Variants in WWTR1 observed in about 807,000 individuals in gnomAD.
WWTR1 encodes the protein WW domain-containing transcription regulator protein 1.
A neutral mutation model predicts 40.1 loss-of-function variants in WWTR1; 13 were observed. That is an observed-to-expected ratio of 0.32 (90% CI 0.21 to 0.52). WWTR1 has a LOEUF of 0.52. WWTR1 is among the 20% of genes least tolerant of loss of function. The probability of loss-of-function intolerance (pLI) is 0.97; values close to 1 mark genes in which losing one functional copy is unlikely to be tolerated. For synonymous variants in WWTR1, 230 were observed against 210.1 expected (o/e 1.09, Z -0.82); for missense variants, 436 against 523.1 (o/e 0.83, Z 1.63).
At chr3:149,571,828 G>A (rs563886586) in intron 3 of WWTR1, among the ~76,000 whole-genome samples, 16 of 152,134 alleles carry the variant, frequency 1.1e-4, no homozygotes, top group Non-Finnish European at 1.8e-4. Flanking sequence ...ATCTGAAAAT[G>A]GCACCAACTT....
At chr3:149,532,778 C>T (rs567019576) in intron 4 of WWTR1, among the ~76,000 whole-genome samples, 1 of 152,334 alleles carries the variant, frequency 6.6e-6, no homozygotes, top group East Asian at 1.9e-4. Context: ...CACATGACAT[C>T]CACTACCCTT....
chr3:149,603,306 T>G (rs1739332305), intron 2 of WWTR1, among the ~76,000 whole-genome samples: 1 of 152,248 alleles, frequency 6.6e-6, no homozygotes, highest in African/African-American at 2.4e-5. Context: ...GAAATCAAGC[T>G]GGGCAGAGAC....
chr3:149,531,689 T>C (rs1735589199), intron 4 of WWTR1, among the ~76,000 whole-genome samples: 1 of 152,132 alleles, frequency 6.6e-6, no homozygotes, highest in Non-Finnish European at 1.5e-5. Flanking sequence ...CTCACCCCTG[T>C]CTAAAATGGC....
upstream of WWTR1, among the ~76,000 whole-genome samples, chr3:149,703,687 G>C (rs1233365255): frequency 6.6e-6 from 1 of 152,086 alleles, no homozygotes; most frequent in Middle Eastern, 3.2e-3. Flanking sequence ...CTTCATAAGA[G>C]GGTTGGTGCT....
At chr3:149,565,509 T>C (rs76105547) in intron 3 of WWTR1, among the ~76,000 whole-genome samples, 2,058 of 152,344 alleles carry the variant, frequency 0.014, 18 homozygotes, top group East Asian at 0.044. Flanking sequence ...ATTTTTTATA[T>C]GCTATTATGT....
At chr3:149,604,215 TA>T (rs1203524256) in intron 2 of WWTR1, among the ~76,000 whole-genome samples, 1 of 152,192 alleles carries the variant, frequency 6.6e-6, no homozygotes, top group Non-Finnish European at 1.5e-5. Flanking sequence ...AGAAGTTAAA[TA>T]ACTGGCTTAA....
chr3:149,690,205 A>G (rs1014763996), intron 1 of WWTR1, among the ~76,000 whole-genome samples: 3 of 152,276 alleles, frequency 2.0e-5, no homozygotes, highest in Admixed American at 6.5e-5. Context: ...GAAGACAGAA[A>G]AGAAGGAAGG....
rs1217598530 is a variant in WWTR1, at chr3:149,622,450, A to AAAGGAAGGAAGGAAGG, written c.431+34410_431+34425dup. Among the ~76,000 whole-genome samples, 106 of 98,602 alleles carry AAAGGAAGGAAGGAAGG rather than the reference A, an allele frequency of 1.1e-3. 1 individual carries two copies. Among genetic ancestry groups the AAAGGAAGGAAGGAAGG allele is most frequent in the Middle Eastern group, 4.5e-3 (1 of 220 alleles). The allele number at this position is 98,602 out of a possible 152,430, so 64.7% of individuals were successfully genotyped here. A position where few individuals can be genotyped will look rare whatever the true frequency, so the allele number is the denominator to read the frequency against. On this transcript the variant is annotated intron_variant, in intron 2 of 6. Coordinates refer to ENST00000360632, the MANE Select transcript of WWTR1 (RefSeq NM_015472.6). ...AAACCATATTTTCCCAGAAAGAAAG[A>AAAGGAAGGAAGGAAGG]AAGGAAGGAAGGAAGGAAGGAAGGA...
intron 3 of WWTR1, 62 bp downstream of exon 3, chr3:149,572,802 G>A: frequency 3.8e-6 from 6 of 1,570,694 alleles, no homozygotes; most frequent in Non-Finnish European, 5.2e-6. Flanking sequence ...GGCAACAAAG[G>A]GAGACCCCAA....
chr3:149,651,992 A>ATTTTTTTTTTTTTTTT (rs368845286), intron 2 of WWTR1, among the ~76,000 whole-genome samples: 111 of 93,692 alleles, frequency 1.2e-3, no homozygotes, highest in Middle Eastern at 7.0e-3. Flanking sequence ...CGCCCGGCTA[A>ATTTTTTTTTTTTTTTT]TTTTTTTTTT....
chr3:149,543,842 G>A (rs1736249782), intron 3 of WWTR1, among the ~76,000 whole-genome samples: 1 of 150,280 alleles, frequency 6.7e-6, no homozygotes, highest in Non-Finnish European at 1.5e-5. Context: ...TCATTTCTGA[G>A]AAAAAAATTC....
intron 2 of WWTR1, among the ~76,000 whole-genome samples, chr3:149,593,388 CT>C (rs549589219): frequency 0.014 from 1,949 of 143,914 alleles, 16 homozygotes; most frequent in African/African-American, 0.019. Flanking sequence ...AGTTTTCTTT[CT>C]TTTTTTTTTT....
intron 2 of WWTR1, among the ~76,000 whole-genome samples, chr3:149,635,212 C>T (rs999487070): frequency 6.6e-6 from 1 of 152,136 alleles, no homozygotes; most frequent in Non-Finnish European, 1.5e-5. Flanking sequence ...CATACAAATG[C>T]ATTGTATTTT....
At chr3:149,663,182 G>A (rs993843175) in intron 2 of WWTR1, among the ~76,000 whole-genome samples, 2 of 151,900 alleles carry the variant, frequency 1.3e-5, no homozygotes, top group Non-Finnish European at 2.9e-5. Flanking sequence ...ACAGGTGCCC[G>A]CCATCACGCC....
chr3:149,638,422 A>C (rs1362791334), intron 2 of WWTR1, among the ~76,000 whole-genome samples: 3 of 152,200 alleles, frequency 2.0e-5, no homozygotes, highest in Admixed American at 6.5e-5. Flanking sequence ...CCCCAAGTAC[A>C]GTATACTTCC....
chr3:149,617,022 GA>G lies in WWTR1; in HGVS notation c.431+39853del, dbSNP rs372441566. On this transcript the variant is annotated intron_variant, in intron 2 of 6. Coordinates refer to ENST00000360632, the MANE Select transcript of WWTR1 (RefSeq NM_015472.6). The stretch of plus-strand genomic sequence containing the variant: ...ACCAAGAAAATGCGAAACTAATGTA[GA>G]AAAAAAATGTCCCTGAAAATCTCCT... Among the ~76,000 whole-genome samples the G allele has an allele frequency of 4.2e-3, 643 of 152,022 alleles. 3 individuals carry two copies. The highest frequency in any genetic ancestry group is 0.015 in the African/African-American group (609 of 41,458).
At chr3:149,614,990 A>C (rs1392847363) in intron 2 of WWTR1, among the ~76,000 whole-genome samples, 2 of 152,196 alleles carry the variant, frequency 1.3e-5, no homozygotes, top group Non-Finnish European at 2.9e-5. Flanking sequence ...TCTCAAAAAA[A>C]AAAAGATAGC....
At chr3:149,521,214 G>C (rs1372837901) in intron 6 of WWTR1, among the ~76,000 whole-genome samples, 2 of 152,208 alleles carry the variant, frequency 1.3e-5, no homozygotes, top group Non-Finnish European at 2.9e-5. Flanking sequence ...CATGTGAAAG[G>C]CACTGTGGAT....
intron 3 of WWTR1, among the ~76,000 whole-genome samples, chr3:149,565,755 T>C (rs1411396408): frequency 6.7e-6 from 1 of 150,194 alleles, no homozygotes; most frequent in Non-Finnish European, 1.5e-5. Flanking sequence ...CTACTAAAAA[T>C]ACAAAATTAG....
Sources: allele counts gnomAD v4.1 joint callset (sites outside exome capture counted in the v4.1 genomes callset), GRCh38; gene constraint gnomAD v4.1.1; transcripts MANE v1.5; gene names NCBI Gene and HGNC (gene_info 2026-07-23, HGNC 2026-07-21).